The following DIDO1 variants were observed in gnomAD, a reference collection of about 807,000 sequenced individuals.
DIDO1 encodes the protein death-inducer obliterator 1.
DIDO1 carries 16 observed loss-of-function variants against 99.4 expected under a neutral mutation model. The ratio of observed to expected loss-of-function variants is 0.16; its 90% CI spans 0.11 to 0.24. The LOEUF (loss-of-function observed/expected upper bound fraction) is 0.24, where lower values mean the gene tolerates loss of function less well. Ranked by LOEUF, DIDO1 falls within the 10% of genes least tolerant of loss-of-function variation. The pLI is 1.00. For missense variants in DIDO1, 2,996 were observed against 3,014.0 expected (o/e 0.99, Z 0.14); for synonymous variants, 1,366 against 1,239.1 (o/e 1.10, Z -2.15).
intron 1 of DIDO1, among the ~76,000 whole-genome samples, chr20:62,926,093 C>A (rs2065247947): frequency 6.6e-6 from 1 of 152,276 alleles, no homozygotes; most frequent in East Asian, 1.9e-4. Flanking sequence ...CAGGCCAGCC[C>A]TGCGCTCTTC....
intron 1 of DIDO1, among the ~76,000 whole-genome samples, chr20:62,926,165 T>C (rs2065249438): frequency 6.6e-6 from 1 of 151,500 alleles, no homozygotes; most frequent in African/African-American, 2.4e-5. Flanking sequence ...CACCGAGTGC[T>C]CGCCAGTCCC....
chr20:62,886,389 C>T (rs772126233), intron 15 of DIDO1, among the ~76,000 whole-genome samples: 2 of 152,214 alleles, frequency 1.3e-5, no homozygotes, highest in African/African-American at 2.4e-5. Context: ...TTTGCGTATT[C>T]ATGACGGAGG....
Position 62,905,968 on chromosome 20 carries a change from G to A in DIDO1, c.1507C>T (p.Pro503Ser). The change falls in exon 6 of 16, where the codon CCG becomes TCG. Residue 503 changes from proline to serine, a missense_variant. Physicochemically the swap from Pro to Ser is moderately conservative, Grantham distance 74. This residue lies in a region of DIDO1 where 898 missense variants were observed against 972.7 expected (regional missense o/e 0.92). Coordinates refer to ENST00000395343, the MANE Select transcript of DIDO1 (RefSeq NM_001193369.2). ...TAATTGTGATCGCTCGCCCACGACG[G>A]CGTGCTGCTCTCACAAGCTGCTTCC... ...GKEAACESST[P>S]SWASDHNYNA... 3.1e-6 allele frequency: 5 copies of A among 1,614,048 alleles called. No homozygotes were observed. The highest frequency in any genetic ancestry group is 4.2e-6 in the Non-Finnish European group (5 of 1,180,040).
At chr20:62,900,733 C>G (rs191249440) in intron 6 of DIDO1, among the ~76,000 whole-genome samples, 2 of 152,350 alleles carry the variant, frequency 1.3e-5, no homozygotes, top group Admixed American at 1.3e-4. Context: ...CCTGCCCTGT[C>G]GCGGTACTGC....
At chr20:62,887,562 G>C (rs1303540229) in intron 15 of DIDO1, 3 of 985,358 alleles carry the variant, frequency 3.0e-6, no homozygotes, top group East Asian at 1.1e-4. Flanking sequence ...CCATGTTTAT[G>C]GACCGAGGTT....
In DIDO1 at chr20:62,906,049, C is replaced by CT; in HGVS notation, c.1425dup (p.Glu476ArgfsTer15). 7 of 1,613,444 alleles carry CT rather than the reference C, an allele frequency of 4.3e-6. No individual in the cohort carries two copies. Among genetic ancestry groups the CT allele is most frequent in the Non-Finnish European group, 1.7e-6 (2 of 1,179,920 alleles). ...ACCACTGCCTTCTTCACTGTGGTCT[C>CT]TTTTTTTTCTGGAGCTGGTCTCTTG... is the stretch of plus-strand genomic sequence containing the variant. On this transcript the variant is annotated frameshift_variant, in exon 6 of 16. Transcript: ENST00000395343. LOFTEE classifies it high-confidence loss of function.
Position 62,880,101 on chromosome 20 carries a change from G to C in DIDO1, c.5855C>G (p.Ala1952Gly), listed in dbSNP as rs753664129. The change falls in exon 16 of 16, where the codon GCG (alanine) becomes GGG (glycine). Residue 1952 changes from alanine (A) to glycine (G), a missense_variant. Physicochemically the swap from Ala to Gly is moderately conservative, Grantham distance 60. Around this residue, in one of 5 missense-constraint regions of DIDO1, gnomAD observed 1,562 missense variants for 1,412.6 expected, o/e 1.11. Coordinates refer to ENST00000395343, the MANE Select transcript of DIDO1 (RefSeq NM_001193369.2). ...PNQFEGPRGQAPNFMPGPRGI... is the reference protein window; with the variant it reads ...PNQFEGPRGQGPNFMPGPRGI... ...CCTGGGACCTGGCATAAAGTTAGGCGCTTGGCCTCTGGGTCCTTCAAACTG... is the reference window on the plus strand; with the variant it reads ...CCTGGGACCTGGCATAAAGTTAGGCCCTTGGCCTCTGGGTCCTTCAAACTG... 22 of 1,612,300 alleles carry C rather than the reference G, an allele frequency of 1.4e-5. No individual in the cohort carries two copies. The Admixed American group carries it at 2.7e-4, about 20-fold the overall frequency.
chr20:62,884,547 A>G (rs754608732), intron 15 of DIDO1, among the ~76,000 whole-genome samples: 4 of 152,240 alleles, frequency 2.6e-5, no homozygotes, highest in Non-Finnish European at 4.4e-5. Context: ...AGGTGATGTT[A>G]AAGATCATCA....
At chr20:62,937,254 G>A (rs1178132420) in intron 1 of DIDO1, among the ~76,000 whole-genome samples, 1 of 152,236 alleles carries the variant, frequency 6.6e-6, no homozygotes, top group Non-Finnish European at 1.5e-5. Context: ...GTACTTCCCA[G>A]CAACGGAAAC....
At chr20:62,923,112 T>C (rs2065187572) in intron 1 of DIDO1, among the ~76,000 whole-genome samples, 1 of 152,030 alleles carries the variant, frequency 6.6e-6, no homozygotes, top group Non-Finnish European at 1.5e-5. Context: ...AGGGGTCCTC[T>C]GGCCTCTGGC....
At chr20:62,908,286 CACT>C (rs1156971434) in intron 4 of DIDO1, among the ~76,000 whole-genome samples, 1 of 152,186 alleles carries the variant, frequency 6.6e-6, no homozygotes, top group Non-Finnish European at 1.5e-5. Flanking sequence ...CGGCCAGACA[CACT>C]TATACAGTAA....
chr20:62,889,681 A>C, intron 15 of DIDO1: 3 of 985,400 alleles, frequency 3.0e-6, no homozygotes, highest in Non-Finnish European at 3.6e-6. Context: ...AGCTGGCCAG[A>C]GCTCTTCACA....
chr20:62,923,902 T>C (rs917293475), intron 1 of DIDO1, among the ~76,000 whole-genome samples: 1 of 152,252 alleles, frequency 6.6e-6, no homozygotes, highest in Non-Finnish European at 1.5e-5. Flanking sequence ...TTAAGTTTTA[T>C]GGACATGGTT....
At chr20:62,919,866 C>G (rs559027287) in intron 1 of DIDO1, among the ~76,000 whole-genome samples, 5 of 152,330 alleles carry the variant, frequency 3.3e-5, no homozygotes, top group Admixed American at 2.6e-4. Flanking sequence ...AATTTCAACT[C>G]TCCAAATGAA....
intron 1 of DIDO1, among the ~76,000 whole-genome samples, chr20:62,932,251 G>A (rs1414387850): frequency 1.3e-5 from 2 of 152,182 alleles, no homozygotes; most frequent in Middle Eastern, 3.2e-3. Flanking sequence ...CTGACACTTT[G>A]GGAGGCCCAG....
Position 62,896,149 on chromosome 20 carries a change from G to C in DIDO1, c.2214+84C>G, listed in dbSNP as rs1276945175. 1.5e-5 allele frequency: 20 copies of C among 1,362,940 alleles called. No homozygotes were observed. Among genetic ancestry groups the C allele is most frequent in the Non-Finnish European group, 2.0e-5 (20 of 994,842 alleles). 84.4% of individuals were successfully genotyped at this position (1,362,940 alleles called of 1,614,324 possible). ...GTCTTAGCTTTCCTGGAAAGGACAC[G>C]AACATCTCAAAATATTGGTTGATCC... On this transcript the variant is annotated intron_variant, in intron 8 of 15. Transcript: ENST00000395343. The surrounding 1 kb of genome is among the most constrained non-coding windows in gnomAD (Gnocchi z 4.4).
At chr20:62,935,695 T>TTA (rs1385109464) in intron 1 of DIDO1, among the ~76,000 whole-genome samples, 1 of 152,192 alleles carries the variant, frequency 6.6e-6, no homozygotes, top group African/African-American at 2.4e-5. Context: ...GAGTGCAGAC[T>TTA]TATAGCTGCG....
At chr20:62,906,601 G>A (rs757530624) in intron 5 of DIDO1, among the ~76,000 whole-genome samples, 2 of 152,180 alleles carry the variant, frequency 1.3e-5, no homozygotes, top group Non-Finnish European at 2.9e-5. Flanking sequence ...TGCTAGTTGC[G>A]CTTTGCTGGT....
Position 62,880,974 on chromosome 20 carries a change from G to A in DIDO1, c.4982C>T (p.Pro1661Leu). The A allele has an allele frequency of 6.2e-7, 1 of 1,606,406 alleles. No homozygotes were observed. Among genetic ancestry groups the A allele is most frequent in the South Asian group, 1.1e-5 (1 of 90,966 alleles). The stretch of plus-strand genomic sequence containing the variant: ...CTGCAGGGCGCCGCAAGGCGGTGTG[G>A]GCAGCAGCACCCTCCGGGCAGGCCT... ...SARPARRVLL[P>L]TPPCGALQPG... The change falls in exon 16 of 16, where the codon CCC (proline) becomes CTC (leucine). Residue 1661 changes from proline to leucine, a missense_variant. Coordinates refer to ENST00000395343, the MANE Select transcript of DIDO1 (RefSeq NM_001193369.2).
Sources: allele counts gnomAD v4.1 joint callset (sites outside exome capture counted in the v4.1 genomes callset), GRCh38; gene constraint gnomAD v4.1.1; regional missense constraint gnomAD v4.1.1; non-coding constraint Gnocchi (gnomAD v3.1); transcripts MANE v1.5; gene names NCBI Gene and HGNC (gene_info 2026-07-23, HGNC 2026-07-21).